The following DDX10 variants were observed in gnomAD, a reference collection of about 807,000 sequenced individuals.
DDX10 encodes the protein probable ATP-dependent RNA helicase DDX10.
A neutral mutation model predicts 104.3 loss-of-function variants in DDX10; 74 were observed. The observed-to-expected ratio is 0.71, with a 90% CI of 0.59 to 0.86. The LOEUF (loss-of-function observed/expected upper bound fraction) is 0.86. Ranked by LOEUF, DDX10 falls within the 40% of genes least tolerant of loss-of-function variation. DDX10 has a pLI of 0.00. For synonymous variants in DDX10, 351 were observed against 353.4 expected, an observed-to-expected ratio of 0.99 and a Z score of 0.08; for missense variants, 952 against 1,040.0, an observed-to-expected ratio of 0.92 and a Z score of 1.16.
intron 10 of DDX10, among the ~76,000 whole-genome samples, chr11:108,710,172 G>A (rs966637381): frequency 6.6e-6 from 1 of 152,136 alleles, no homozygotes; most frequent in African/African-American, 2.4e-5. Flanking sequence ...AAGTTGCTCT[G>A]GGTGTCAGTG....
chr11:108,912,772 A>C (rs1292703755), intron 16 of DDX10, among the ~76,000 whole-genome samples: 3 of 152,206 alleles, frequency 2.0e-5, no homozygotes, highest in Non-Finnish European at 4.4e-5. Context: ...TCATGTGAGA[A>C]AAATGCTTAT....
intron 13 of DDX10, among the ~76,000 whole-genome samples, chr11:108,764,929 T>C (rs2094354694): frequency 6.6e-6 from 1 of 152,212 alleles, no homozygotes; most frequent in Non-Finnish European, 1.5e-5. Flanking sequence ...TGAAAAAACC[T>C]GTTCTTCAAA....
At chr11:108,857,989 T>C (rs1424080535) in intron 16 of DDX10, among the ~76,000 whole-genome samples, 1 of 152,204 alleles carries the variant, frequency 6.6e-6, no homozygotes, top group Admixed American at 6.5e-5. Context: ...ATATTGTGCA[T>C]CTCCTATTAG....
chr11:108,877,076 C>CA (rs551527059), intron 16 of DDX10, among the ~76,000 whole-genome samples: 117 of 152,234 alleles, frequency 7.7e-4, no homozygotes, highest in Admixed American at 2.9e-3. Flanking sequence ...TCTTCATAAA[C>CA]AATCAAAAAT....
chr11:108,880,279 C>T (rs1005980659), intron 16 of DDX10, among the ~76,000 whole-genome samples: 4 of 152,124 alleles, frequency 2.6e-5, no homozygotes, highest in Non-Finnish European at 4.4e-5. Flanking sequence ...TCCTCTTCTT[C>T]TAAGTGTACT....
At chr11:108,916,968 G>A (rs1394671049) in intron 16 of DDX10, among the ~76,000 whole-genome samples, 2 of 151,760 alleles carry the variant, frequency 1.3e-5, no homozygotes, top group Non-Finnish European at 2.9e-5. Flanking sequence ...ATTTCTTGGT[G>A]TTCCTCCCCT....
chr11:108,696,828 G>A (rs2094260539), intron 9 of DDX10, among the ~76,000 whole-genome samples: 1 of 152,102 alleles, frequency 6.6e-6, no homozygotes, highest in Non-Finnish European at 1.5e-5. Context: ...AGGGCAGACT[G>A]ATTCATAAAT....
rs371058911 is a variant in DDX10 at position 108,685,352 on chromosome 11, C to T, written c.849-3584C>T. ...GGAAAGGGAACTCCCTGACCCCTTG[C>T]GCTTCCCAGGTGAGGCAATGCCTCG... is the stretch of plus-strand genomic sequence containing the variant. On this transcript the variant is annotated intron_variant, in intron 6 of 17. Coordinates refer to ENST00000322536, the MANE Select transcript of DDX10 (RefSeq NM_004398.4). 7.8e-3 allele frequency among the ~76,000 whole-genome samples: 1,179 copies of T among 151,212 alleles called. 12 individuals are homozygous for T. The highest frequency in any genetic ancestry group is 0.026 in the African/African-American group (1,060 of 41,168).
intron 13 of DDX10, among the ~76,000 whole-genome samples, chr11:108,792,607 T>A (rs1279997961): frequency 6.6e-6 from 1 of 152,214 alleles, no homozygotes. Context: ...GTATATCCTA[T>A]TCCTTTGATT....
intron 16 of DDX10, among the ~76,000 whole-genome samples, chr11:108,911,100 T>C (rs1457138412): frequency 6.6e-6 from 1 of 152,136 alleles, no homozygotes; most frequent in East Asian, 1.9e-4. Context: ...GAACCTGGCT[T>C]TCATTTTAAT....
Position 108,679,392 on chromosome 11 carries a change from T to C in DDX10, c.680T>C (p.Ile227Thr). The change falls in exon 6 of 18, where the codon ATC becomes ACC. Residue 227 changes from isoleucine to threonine, a missense_variant. Ile to Thr is a moderately conservative substitution (Grantham distance 89). Transcript: ENST00000322536. Reference sequence around the variant, plus strand: ...TCAGTTCTTGATGAAGCAGATAGAATCTTGGATATGGGCTTTGCTGATACC... The same window carrying C: ...TCAGTTCTTGATGAAGCAGATAGAACCTTGGATATGGGCTTTGCTGATACC... Reference protein sequence around the residue: ...QMLVLDEADRILDMGFADTMN... With the variant: ...QMLVLDEADRTLDMGFADTMN... 6.3e-7 allele frequency: 1 copy of C among 1,599,668 alleles called. No homozygotes were observed. Among genetic ancestry groups the C allele is most frequent in the Non-Finnish European group, 8.5e-7 (1 of 1,176,798 alleles).
At chr11:108,910,568 T>A (rs753648102) in intron 16 of DDX10, among the ~76,000 whole-genome samples, 11 of 152,254 alleles carry the variant, frequency 7.2e-5, no homozygotes, top group Non-Finnish European at 1.2e-4. Flanking sequence ...TCCAACTAAC[T>A]GTTTTAAGAA....
chr11:108,936,813 C>T (rs996795734), intron 17 of DDX10, among the ~76,000 whole-genome samples: 4 of 152,116 alleles, frequency 2.6e-5, no homozygotes, highest in African/African-American at 7.2e-5. Flanking sequence ...CTTCAGATAA[C>T]GTCCCAGAAG....
intron 16 of DDX10, among the ~76,000 whole-genome samples, chr11:108,896,555 G>C (rs1394543232): frequency 3.9e-5 from 6 of 152,068 alleles, no homozygotes; most frequent in Non-Finnish European, 2.9e-5. Context: ...TTGTCTGATT[G>C]GTACTGTATT....
At chr11:108,879,526 A>T (rs1863199248) in intron 16 of DDX10, among the ~76,000 whole-genome samples, 1 of 152,184 alleles carries the variant, frequency 6.6e-6, no homozygotes, top group Non-Finnish European at 1.5e-5. Context: ...AATGGATAAG[A>T]TTTGCAGCAG....
At chr11:108,849,408 T>G (rs1411049270) in intron 15 of DDX10, among the ~76,000 whole-genome samples, 2 of 152,070 alleles carry the variant, frequency 1.3e-5, no homozygotes, top group Non-Finnish European at 2.9e-5. Flanking sequence ...AATTACAAAT[T>G]TTCAAGTATC....
intron 13 of DDX10, among the ~76,000 whole-genome samples, chr11:108,810,898 C>T (rs927827717): frequency 3.9e-5 from 6 of 152,140 alleles, no homozygotes; most frequent in African/African-American, 1.2e-4. Flanking sequence ...CAACCCGTTT[C>T]GCACCTCCCC....
At chr11:108,726,652 T>G (rs2094305757) in intron 13 of DDX10, among the ~76,000 whole-genome samples, 1 of 152,074 alleles carries the variant, frequency 6.6e-6, no homozygotes, top group South Asian at 2.1e-4. Context: ...TTCTTCCTTT[T>G]TCATCTGTGG....
intron 17 of DDX10, among the ~76,000 whole-genome samples, chr11:108,927,841 T>C (rs779273528): frequency 6.6e-6 from 1 of 152,146 alleles, no homozygotes; most frequent in Non-Finnish European, 1.5e-5. Flanking sequence ...GGTTTCACCA[T>C]GTTAGCCAGG....
Sources: allele counts gnomAD v4.1 joint callset (sites outside exome capture counted in the v4.1 genomes callset), GRCh38; gene constraint gnomAD v4.1.1; transcripts MANE v1.5; gene names NCBI Gene and HGNC (gene_info 2026-07-23, HGNC 2026-07-21).